The following USP32 variants were observed in gnomAD, a reference collection of about 807,000 sequenced individuals.
USP32 encodes ubiquitin specific peptidase 32, also known as ubiquitin carboxyl-terminal hydrolase 32.
In USP32, 59 loss-of-function variants were observed where a neutral mutation model predicts 204.8. The ratio of observed to expected loss-of-function variants is 0.29; its 90% CI spans 0.23 to 0.36. USP32 has a LOEUF of 0.36. Among genes scored for constraint, USP32 ranks in the 10% least tolerant of loss-of-function variants. The pLI, the probability that USP32 is intolerant of heterozygous loss-of-function variation, is 1.00. For synonymous variants in USP32, 517 were observed against 678.4 expected (o/e 0.76, Z 3.70); for missense variants, 1,160 against 1,946.4 (o/e 0.60, Z 7.60).
At chr17:60,345,889 C>A (rs575378680) in intron 1 of USP32, among the ~76,000 whole-genome samples, 1 of 151,642 alleles carries the variant, frequency 6.6e-6, no homozygotes, top group Admixed American at 6.6e-5. Flanking sequence ...GGCTGAGACA[C>A]GATAATCACT....
chr17:60,204,982 G>A (rs188411934), intron 26 of USP32, among the ~76,000 whole-genome samples: 3 of 147,424 alleles, frequency 2.0e-5, no homozygotes, highest in South Asian at 2.1e-4. Flanking sequence ...TAGAAGAGAC[G>A]AGGTCTCACT....
At chr17:60,330,029 T>C (rs1000401469) in intron 2 of USP32, among the ~76,000 whole-genome samples, 3 of 152,198 alleles carry the variant, frequency 2.0e-5, no homozygotes, top group Non-Finnish European at 4.4e-5. Flanking sequence ...AAGTTCTGGG[T>C]TGTAACTCCC....
At chr17:60,383,346 AC>A (rs904708019) in intron 1 of USP32, among the ~76,000 whole-genome samples, 1 of 151,826 alleles carries the variant, frequency 6.6e-6, no homozygotes, top group African/African-American at 2.4e-5. Context: ...TTTATTTTTT[AC>A]CCCCCGATCT....
chr17:60,375,398 G>C (rs975345046), intron 1 of USP32, among the ~76,000 whole-genome samples: 3 of 151,856 alleles, frequency 2.0e-5, no homozygotes, highest in African/African-American at 7.3e-5. Context: ...ATATAATATA[G>C]ATTTACTCTC....
At chr17:60,282,800 G>A (rs1415409514) in intron 5 of USP32, among the ~76,000 whole-genome samples, 1 of 152,144 alleles carries the variant, frequency 6.6e-6, no homozygotes, top group Non-Finnish European at 1.5e-5. Context: ...TCACTCTGGA[G>A]GCAATCAAAT....
At chr17:60,319,778 T>A (rs1171086655) in intron 2 of USP32, among the ~76,000 whole-genome samples, 1 of 151,880 alleles carries the variant, frequency 6.6e-6, no homozygotes, top group African/African-American at 2.4e-5. Context: ...AGACCCCATC[T>A]CAAAAATAAA....
intron 12 of USP32, among the ~76,000 whole-genome samples, chr17:60,233,869 C>T (rs774048163): frequency 6.6e-6 from 1 of 152,068 alleles, no homozygotes; most frequent in African/African-American, 2.4e-5. Flanking sequence ...TGAATAAATT[C>T]CCATACTCTG....
intron 11 of USP32, among the ~76,000 whole-genome samples, chr17:60,241,713 G>C (rs1377919874): frequency 6.6e-6 from 1 of 152,056 alleles, no homozygotes; most frequent in Non-Finnish European, 1.5e-5. Flanking sequence ...TTTTAAATTA[G>C]ATTTTCTTGA....
intron 2 of USP32, among the ~76,000 whole-genome samples, chr17:60,334,489 T>C (rs1446977182): frequency 6.6e-6 from 1 of 152,024 alleles, no homozygotes; most frequent in East Asian, 1.9e-4. Context: ...AATATATTCA[T>C]TGAAAAAAAT....
intron 26 of USP32, among the ~76,000 whole-genome samples, chr17:60,199,958 G>C (rs570197018): frequency 5.3e-4 from 81 of 152,260 alleles, no homozygotes; most frequent in African/African-American, 1.9e-3. Flanking sequence ...CACTTCAGGA[G>C]GCCGAGGCGG....
intron 1 of USP32, among the ~76,000 whole-genome samples, chr17:60,401,501 A>G (rs903547909): frequency 6.6e-6 from 1 of 152,116 alleles, no homozygotes; most frequent in African/African-American, 2.4e-5. Flanking sequence ...AATGTGCAAT[A>G]CTTGACAGGA....
rs2088493672 is a variant in USP32 at position 60,335,461 on chromosome 17, T to C, written c.186+10020A>G. Among the ~76,000 whole-genome samples the C allele has an allele frequency of 1.4e-5, 2 of 143,326 alleles. 1 individual carries two copies. Among genetic ancestry groups the C allele is most frequent in the African/African-American group, 5.9e-5 (2 of 33,618 alleles). The allele number at this position is 143,326 out of a possible 152,430, so 94.0% of individuals were successfully genotyped here. ...TCCAAGGTCTCTATGTGATTTTCAA[T>C]TCTTTCCACTAACTCTAAAGGTGAT... is the stretch of plus-strand genomic sequence containing the variant. On this transcript the variant is annotated intron_variant, in intron 2 of 33. Coordinates refer to ENST00000300896, the MANE Select transcript of USP32 (RefSeq NM_032582.4).
chr17:60,217,051 A>T (rs2085121484), intron 16 of USP32, among the ~76,000 whole-genome samples: 1 of 152,198 alleles, frequency 6.6e-6, no homozygotes, highest in South Asian at 2.1e-4. Context: ...AGAAGCATAT[A>T]AGTATAGTAT....
At chr17:60,347,800 T>C (rs897292068) in intron 1 of USP32, among the ~76,000 whole-genome samples, 1 of 151,788 alleles carries the variant, frequency 6.6e-6, no homozygotes, top group Non-Finnish European at 1.5e-5. Context: ...TCAAGGATTA[T>C]GTTATTATGT....
chr17:60,384,834 G>A (rs1430575133), intron 1 of USP32, among the ~76,000 whole-genome samples: 2 of 151,940 alleles, frequency 1.3e-5, no homozygotes, highest in African/African-American at 2.4e-5. Context: ...CTGGCTGGGC[G>A]TGGTGGCTCA....
At chr17:60,249,828 C>T (rs1483924370) in intron 11 of USP32, 69 of 661,204 alleles carry the variant, frequency 1.0e-4, no homozygotes, top group South Asian at 5.7e-4. Context: ...GATCTTCACT[C>T]GGCCATTCCA....
intron 6 of USP32, among the ~76,000 whole-genome samples, chr17:60,269,761 A>G (rs1158904420): frequency 2.6e-5 from 4 of 152,168 alleles, no homozygotes; most frequent in African/African-American, 9.7e-5. Flanking sequence ...CAGAAAATAC[A>G]TTACAATCCT....
intron 14 of USP32, 115 bp from the exon 15 acceptor site, chr17:60,222,664 C>G: frequency 2.3e-6 from 2 of 878,590 alleles, no homozygotes; most frequent in Non-Finnish European, 3.3e-6. Context: ...TTTCATGTTG[C>G]TGGAAAAACT....
chr17:60,268,398 A>C lies in USP32; in HGVS notation c.811+1052T>G, dbSNP rs547373209. ...AGCCTGGGCAACATAACAAGACACT[A>C]TCTCTATTTAAAAAAAAAAAAAAAA... On this transcript the variant is annotated intron_variant, in intron 7 of 33. Coordinates refer to ENST00000300896, the MANE Select transcript of USP32 (RefSeq NM_032582.4). 1.5e-3 allele frequency among the ~76,000 whole-genome samples: 204 copies of C among 133,152 alleles called. 1 individual carries two copies. Among genetic ancestry groups the C allele is most frequent in the Admixed American group, 7.3e-3 (104 of 14,290 alleles). 87.4% of individuals were successfully genotyped at this position (133,152 alleles called of 152,430 possible).
Sources: allele counts gnomAD v4.1 joint callset (sites outside exome capture counted in the v4.1 genomes callset), GRCh38; gene constraint gnomAD v4.1.1; transcripts MANE v1.5; gene names NCBI Gene and HGNC (gene_info 2026-07-23, HGNC 2026-07-21).